Variants in ADSL observed in about 807,000 individuals in gnomAD.
ADSL encodes adenylosuccinase.
A neutral mutation model predicts 62.1 loss-of-function variants in ADSL; 44 were observed. The ratio of observed to expected loss-of-function variants is 0.71; its 90% confidence interval spans 0.56 to 0.91. The LOEUF (loss-of-function observed/expected upper bound fraction) is 0.91. ADSL is among the 40% of genes least tolerant of loss of function. ADSL has a pLI of 0.00. For missense variants in ADSL, 531 were observed against 627.4 expected (o/e 0.85, Z 1.64); for synonymous variants, 198 against 220.5 (o/e 0.90, Z 0.90).
At chr22:40,366,226 C>T (rs559603918) in intron 12 of ADSL, among the ~76,000 whole-genome samples, 3 of 152,086 alleles carry the variant, frequency 2.0e-5, no homozygotes, top group African/African-American at 4.8e-5. Flanking sequence ...GGCCAGTTTG[C>T]GGGAAAGGTT....
intron 2 of ADSL, chr22:40,379,310 G>C (rs947168660): frequency 4.6e-5 from 7 of 152,276 alleles, no homozygotes; most frequent in African/African-American, 1.7e-4. Context: ...GGTCTGCTTT[G>C]TGTTCTAGGA....
chr22:40,371,846 G>A (rs2045558983), downstream of ADSL, among the ~76,000 whole-genome samples: 1 of 151,790 alleles, frequency 6.6e-6, no homozygotes, highest in South Asian at 2.1e-4. Flanking sequence ...ACAGGCGCCC[G>A]CCACCACGCC....
At chr22:40,347,777 G>A (rs1298858511) in intron 1 of ADSL, among the ~76,000 whole-genome samples, 1 of 152,198 alleles carries the variant, frequency 6.6e-6, no homozygotes, top group East Asian at 1.9e-4. Context: ...TGAAGAGTAG[G>A]TATGAAATAC....
chr22:40,378,382 T>TAG (rs2047000281), intron 2 of ADSL: 1 of 152,314 alleles, frequency 6.6e-6, no homozygotes, highest in Admixed American at 6.5e-5. Context: ...TGAGCTGGAA[T>TAG]AGTGCCACTG....
intron 1 of ADSL, among the ~76,000 whole-genome samples, chr22:40,347,983 G>A (rs2044206561): frequency 6.6e-6 from 1 of 152,194 alleles, no homozygotes; most frequent in Admixed American, 6.6e-5. Flanking sequence ...GGTCGCCAAA[G>A]CTAGTAAATG....
intron 3 of ADSL, chr22:40,353,410 A>C: frequency 1.4e-6 from 1 of 702,284 alleles, no homozygotes; most frequent in Non-Finnish European, 2.6e-6. Context: ...CTCCTGTCTC[A>C]GTCTCCCAAG....
chr22:40,372,121 C>A (rs868532234), downstream of ADSL, among the ~76,000 whole-genome samples: 4 of 114,266 alleles, frequency 3.5e-5, no homozygotes, highest in East Asian at 2.8e-4. Context: ...GTCCCCCCCC[C>A]CTTTTTTTTT....
chr22:40,350,348 T>TGG, intron 2 of ADSL: 3 of 317,106 alleles, frequency 9.5e-6, no homozygotes, highest in South Asian at 8.7e-5. Context: ...GGATGGTCTC[T>TGG]ATCTCCTGAC....
At chr22:40,382,158 T>C (rs1440905441) in intron 2 of ADSL, among the ~76,000 whole-genome samples, 1 of 152,118 alleles carries the variant, frequency 6.6e-6, no homozygotes, top group Non-Finnish European at 1.5e-5. Context: ...AGTTTAGGAC[T>C]CATCAATCTG....
At chr22:40,353,557 T>G (rs906598437) in intron 3 of ADSL, 14 of 600,984 alleles carry the variant, frequency 2.3e-5, no homozygotes, top group East Asian at 8.6e-5. Context: ...GTGTTGGGAT[T>G]ACAGGTGTGA....
At chr22:40,363,333 T>C (rs1601593932) in intron 10 of ADSL, among the ~76,000 whole-genome samples, 1 of 152,176 alleles carries the variant, frequency 6.6e-6, no homozygotes, top group Non-Finnish European at 1.5e-5. Flanking sequence ...CTAGGCAGAG[T>C]AGATGTCTCC....
intron 2 of ADSL, 77 bp downstream of exon 2, chr22:40,350,112 TGAGGAA>T: frequency 7.0e-7 from 1 of 1,419,416 alleles, no homozygotes. Flanking sequence ...GTTGTCCAGT[TGAGGAA>T]GTGACACTAT....
At chr22:40,364,466 TTCA>T in intron 11 of ADSL, 101 bp downstream of exon 11, 1 of 1,007,540 alleles carries the variant, frequency 9.9e-7, no homozygotes, top group Non-Finnish European at 1.5e-6. Flanking sequence ...TGTCATTACC[TTCA>T]GTCACAGTAA....
Position 40,350,405 on chromosome 22 carries a change from C to T in ADSL, c.357+370C>T, listed in dbSNP as rs376355584. 130 of 218,960 alleles carry T rather than the reference C, an allele frequency of 5.9e-4. No individual in the cohort carries two copies. The South Asian group carries it at 7.7e-3, about 13-fold the overall frequency. The allele number at this position is 218,960 out of a possible 1,614,324, so 13.6% of individuals were successfully genotyped here. A position where few individuals can be genotyped will look rare whatever the true frequency, so the allele number is the denominator to read the frequency against. The stretch of plus-strand genomic sequence containing the variant: ...CCTCCCAAAGTGTTGGGATTACAGG[C>T]GTGAGCCACCACGCCCAGCCAGATC... On this transcript the variant is annotated intron_variant, in intron 2 of 12. Coordinates refer to ENST00000623063, the MANE Select transcript of ADSL (RefSeq NM_000026.4).
rs1649567067 is a variant in ADSL, at chr22:40,366,674, A to G, written c.*152A>G. On this transcript the variant is annotated 3_prime_UTR_variant, in exon 13 of 13. Transcript: ENST00000623063. ...GTGCTTTCCTGTTTCTCAGTCTCAC[A>G]TTTCTCAACAAGGCAAAAACAAAGA... The G allele has an allele frequency of 6.0e-6, 4 of 663,368 alleles. No homozygotes were observed. The highest frequency in any genetic ancestry group is 5.1e-5 in the South Asian group (3 of 59,282). 41.1% of individuals were successfully genotyped at this position (663,368 alleles called of 1,614,324 possible).
rs920847970 is a variant in ADSL at position 40,367,813 on chromosome 22, T to A, written c.*1291T>A. 1 of 152,812 alleles carries A rather than the reference T, an allele frequency of 6.5e-6. No homozygotes were observed. Among genetic ancestry groups the A allele is most frequent in the African/African-American group, 2.4e-5 (1 of 41,468 alleles). 9.5% of individuals were successfully genotyped at this position (152,812 alleles called of 1,614,324 possible). ...ATTTGGTAAAATAAGTTTTCATCTC[T>A]AACCTAAATCGGCTGAAATGATGTG... On this transcript the variant is annotated 3_prime_UTR_variant, in exon 13 of 13. Coordinates refer to ENST00000623063, the MANE Select transcript of ADSL (RefSeq NM_000026.4).
At chr22:40,382,346 G>A (rs759346151) in intron 2 of ADSL, among the ~76,000 whole-genome samples, 2 of 152,148 alleles carry the variant, frequency 1.3e-5, no homozygotes, top group Non-Finnish European at 2.9e-5. Flanking sequence ...GTTGTTGGTA[G>A]GTAGTTTTTC....
chr22:40,359,549 T>G (rs2044699210), intron 6 of ADSL, among the ~76,000 whole-genome samples: 1 of 151,620 alleles, frequency 6.6e-6, no homozygotes, highest in African/African-American at 2.4e-5. Flanking sequence ...ATTTTATTAT[T>G]GTTTTTGAGA....
rs540648461 is a variant in ADSL, at chr22:40,349,932, G to A, written c.254G>A (p.Arg85Gln). Residue 85 changes from arginine to glutamine, a missense_variant, in exon 2 of 13, where the codon CGA becomes CAA. Transcript: ENST00000623063. ...KMAAEEEKRL[R>Q]HDVMAHVHTF... ...GCAGCTGAGGAAGAGAAACGTTTAC[G>A]ACATGATGTGATGGCTCACGTGCAC... The A allele has an allele frequency of 1.5e-5, 24 of 1,614,182 alleles. No individual in the cohort carries two copies. In the East Asian group the frequency reaches 3.3e-4, roughly 22 times the overall value.
Sources: gnomAD v4.1 joint callset for allele counts (sites outside exome capture counted in the v4.1 genomes callset) on GRCh38, gnomAD v4.1.1 for gene constraint, MANE v1.5 for transcripts, NCBI Gene and HGNC (gene_info 2026-07-23, HGNC 2026-07-21) for gene names.